Variants in CACNA1B observed in about 807,000 individuals in gnomAD.
CACNA1B encodes calcium voltage-gated channel subunit alpha1 B.
Under a neutral mutation model 247.2 loss-of-function variants are expected in CACNA1B, and 70 were observed. That is an observed-to-expected ratio of 0.28 (90% CI 0.23 to 0.35). The LOEUF (loss-of-function observed/expected upper bound fraction) is 0.35, where lower values mean the gene tolerates loss of function less well. Among genes scored for constraint, CACNA1B ranks in the 10% least tolerant of loss-of-function variants. The pLI is 1.00. For synonymous variants in CACNA1B, 1,231 were observed against 1,294.4 expected (o/e 0.95, Z 1.05); for missense variants, 2,367 against 3,197.4 (o/e 0.74, Z 6.26).
At chr9:138,037,556 G>A (rs1389605759) in intron 20 of CACNA1B, among the ~76,000 whole-genome samples, 1 of 152,200 alleles carries the variant, frequency 6.6e-6, no homozygotes, top group African/African-American at 2.4e-5. Context: ...CTATTCAGGA[G>A]GCTGAGCCAG....
chr9:138,112,124 T>TGCATGCACACACATGC lies in CACNA1B; in HGVS notation c.5429-262_5429-261insATGCGCATGCACACAC, dbSNP rs112240559. On this transcript the variant is annotated intron_variant, in intron 39 of 46. Coordinates refer to ENST00000371372, the MANE Select transcript of CACNA1B (RefSeq NM_000718.4). Reference sequence around the variant, plus strand: ...TGCACACACGAACGTGCAGTGCACATGCATGCACACACGTCGGACACACAC... The same window carrying TGCATGCACACACATGC: ...TGCACACACGAACGTGCAGTGCACATGCATGCACACACATGCGCATGCACACACGTCGGACACACAC... Among the ~76,000 whole-genome samples the TGCATGCACACACATGC allele has an allele frequency of 0.21, 31,579 of 151,492 alleles. 3,701 individuals are homozygous for TGCATGCACACACATGC. Among genetic ancestry groups the TGCATGCACACACATGC allele is most frequent in the Middle Eastern group, 0.32 (92 of 290 alleles).
intron 10 of CACNA1B, among the ~76,000 whole-genome samples, chr9:137,970,353 C>T (rs1958131979): frequency 6.6e-6 from 1 of 152,168 alleles, no homozygotes; most frequent in Non-Finnish European, 1.5e-5. Context: ...CAGATGTGCT[C>T]TCCTGCAGAG....
intron 36 of CACNA1B, among the ~76,000 whole-genome samples, chr9:138,092,629 GA>G (rs1214647484): frequency 3.3e-5 from 5 of 152,172 alleles, no homozygotes; most frequent in Non-Finnish European, 7.3e-5. Context: ...CTCAGCTTAC[GA>G]AGATGACAGG....
At position 138,047,144 on chromosome 9, in the gene CACNA1B, C is replaced by T. The variant is rs563136411; in HGVS notation, c.3543+111C>T. ...GCTGAGGTCCTGTCGTCTCACAGGG[C>T]ACCCCTCCTTCCTCTGTCTGTGTGC... On this transcript the variant is annotated intron_variant, in intron 22 of 46. Coordinates refer to ENST00000371372, the MANE Select transcript of CACNA1B (RefSeq NM_000718.4). 3.2e-5 allele frequency: 33 copies of T among 1,018,808 alleles called. No individual in the cohort carries two copies. In the South Asian group the frequency reaches 5.0e-4, roughly 16 times the overall value. The allele number at this position is 1,018,808 out of a possible 1,614,324, so 63.1% of individuals were successfully genotyped here.
intron 31 of CACNA1B, among the ~76,000 whole-genome samples, chr9:138,064,841 C>T (rs955551177): frequency 2.0e-5 from 3 of 152,374 alleles, no homozygotes; most frequent in East Asian, 1.9e-4. Flanking sequence ...CATCTCCTCC[C>T]GTCAACCCTG....
At chr9:137,983,847 G>A (rs1298806083) in intron 12 of CACNA1B, among the ~76,000 whole-genome samples, 2 of 139,572 alleles carry the variant, frequency 1.4e-5, no homozygotes, top group African/African-American at 2.7e-5. Flanking sequence ...CTGCCAGGAA[G>A]CCAGCAGGCC....
intron 3 of CACNA1B, among the ~76,000 whole-genome samples, chr9:137,884,429 G>T (rs1956973841): frequency 6.9e-6 from 1 of 145,352 alleles, no homozygotes; most frequent in South Asian, 2.4e-4. Flanking sequence ...TGGGGGCTGG[G>T]GTGGGAGGTG....
Position 138,120,427 on chromosome 9 carries a change from G to T in CACNA1B, c.6238+55G>T, listed in dbSNP as rs1266369500. The T allele has an allele frequency of 5.4e-6, 8 of 1,492,364 alleles. No individual in the cohort carries two copies. In the East Asian group the frequency reaches 2.0e-4, roughly 37 times the overall value. 92.4% of individuals were successfully genotyped at this position (1,492,364 alleles called of 1,614,324 possible). Reference sequence around the variant, plus strand: ...CGGGGAGCTATGGCCCGAGTCAGGGGGTCCAAGCGGCCCATGGGGGACCCT... The same window carrying T: ...CGGGGAGCTATGGCCCGAGTCAGGGTGTCCAAGCGGCCCATGGGGGACCCT... On this transcript the variant is annotated intron_variant, in intron 45 of 46. Transcript: ENST00000371372.
intron 37 of CACNA1B, among the ~76,000 whole-genome samples, chr9:138,098,310 T>C (rs950596760): frequency 7.9e-5 from 12 of 152,158 alleles, no homozygotes; most frequent in African/African-American, 2.4e-4. Context: ...ACTGACCACA[T>C]TGAAGACCTA....
chr9:138,046,156 T>C (rs992225307), intron 21 of CACNA1B, among the ~76,000 whole-genome samples: 10 of 152,206 alleles, frequency 6.6e-5, no homozygotes, highest in African/African-American at 2.4e-4. Flanking sequence ...CCTGGTGTTT[T>C]GACTGCTGAA....
chr9:137,932,256 T>C (rs185396336), intron 6 of CACNA1B, among the ~76,000 whole-genome samples: 1 of 152,312 alleles, frequency 6.6e-6, no homozygotes, highest in African/African-American at 2.4e-5. Context: ...CTGTTCTTCC[T>C]AACCCAACCA....
In CACNA1B at chr9:138,059,732, A is replaced by G. The variant is rs746282670; in HGVS notation, c.4663A>G (p.Ile1555Val). 6.3e-7 allele frequency: 1 copy of G among 1,588,978 alleles called. No individual in the cohort carries two copies. Among genetic ancestry groups the G allele is most frequent in the Non-Finnish European group, 8.6e-7 (1 of 1,157,186 alleles). The change falls in exon 31 of 47, where the codon ATT (isoleucine) becomes GTT (valine). Residue 1555 changes from isoleucine to valine, a missense_variant. Transcript: ENST00000371372. The surrounding 1 kb of genome is among the most constrained non-coding windows in gnomAD (Gnocchi z 4.2). ...GSITDILVTE[I>V]AETNNFINLS... ...TATTACTGATATTTTAGTAACAGAG[A>G]TTGCGGTAAGTAGCATTTCTGTCCC...
At chr9:137,951,747 G>A (rs563493660) in intron 6 of CACNA1B, among the ~76,000 whole-genome samples, 11 of 152,252 alleles carry the variant, frequency 7.2e-5, no homozygotes, top group African/African-American at 2.2e-4. Context: ...GCTGGGCGCT[G>A]TCTCAGGCCA....
rs542311642 is a variant in CACNA1B at position 138,014,051 on chromosome 9, C to T, written c.2267+816C>T. Among the ~76,000 whole-genome samples, 22 of 152,376 alleles carry T rather than the reference C, an allele frequency of 1.4e-4. No individual in the cohort carries two copies. The South Asian group carries it at 1.7e-3, about 11-fold the overall frequency. ...CTCTTCAGCCGGCCACCCGCCCTGC[C>T]GTGAACACGGAACACAGGGCCGGGT... is the stretch of plus-strand genomic sequence containing the variant. On this transcript the variant is annotated intron_variant, in intron 18 of 46. Transcript: ENST00000371372. The surrounding 1 kb of genome is among the most constrained non-coding windows in gnomAD (Gnocchi z 6.2).
At chr9:138,079,511 G>T (rs1274050520) in intron 36 of CACNA1B, among the ~76,000 whole-genome samples, 1 of 152,156 alleles carries the variant, frequency 6.6e-6, no homozygotes, top group Non-Finnish European at 1.5e-5. Context: ...GGGAAGCCCA[G>T]GCGGACAGAT....
Position 138,023,869 on chromosome 9 carries a change from C to G in CACNA1B, c.3068+58C>G. 3 of 871,742 alleles carry G rather than the reference C, an allele frequency of 3.4e-6. No individual in the cohort carries two copies. In the East Asian group the frequency reaches 8.4e-5, roughly 24 times the overall value. The allele number at this position is 871,742 out of a possible 1,614,324, so 54.0% of individuals were successfully genotyped here. A position where few individuals can be genotyped will look rare whatever the true frequency, so the allele number is the denominator to read the frequency against. ...AAGGGTTGGCCGGGGCGGCGCGGGC[C>G]CCAGCGGTGGCTGCGGCCATGGGGT... is the stretch of plus-strand genomic sequence containing the variant. On this transcript the variant is annotated intron_variant, in intron 19 of 46. Coordinates refer to ENST00000371372, the MANE Select transcript of CACNA1B (RefSeq NM_000718.4).
At chr9:137,934,099 T>C (rs1265221215) in intron 6 of CACNA1B, among the ~76,000 whole-genome samples, 8 of 152,226 alleles carry the variant, frequency 5.3e-5, no homozygotes. Context: ...ACGATAAGTA[T>C]GCAACAAAGA....
intron 10 of CACNA1B, among the ~76,000 whole-genome samples, chr9:137,959,125 T>G (rs1417528626): frequency 7.9e-5 from 12 of 152,166 alleles, no homozygotes; most frequent in Non-Finnish European, 1.5e-5. Flanking sequence ...CAGGCTGGAG[T>G]GCAATGGTGC....
rs1958717641 is a variant in CACNA1B, at chr9:138,011,033, G to T, written c.2160+956G>T. Among the ~76,000 whole-genome samples, 1 of 152,196 alleles carries T rather than the reference G, an allele frequency of 6.6e-6. No homozygotes were observed. The highest frequency in any genetic ancestry group is 1.5e-5 in the Non-Finnish European group (1 of 68,034). ...CCAGCTGCAGCCTGAGCCTCCCTTT[G>T]CTTCTGCTCAGCCTTCTTACTCCCA... On this transcript the variant is annotated intron_variant, in intron 17 of 46. Coordinates refer to ENST00000371372, the MANE Select transcript of CACNA1B (RefSeq NM_000718.4). This position sits in a 1 kb window ranked among gnomAD's most constrained non-coding sequence, Gnocchi z 4.2.
Sources: gnomAD v4.1 joint callset for allele counts (sites outside exome capture counted in the v4.1 genomes callset) on GRCh38, gnomAD v4.1.1 for gene constraint, Gnocchi (gnomAD v3.1) non-coding constraint, MANE v1.5 for transcripts, NCBI Gene and HGNC (gene_info 2026-07-23, HGNC 2026-07-21) for gene names.